The following B3GALT1 variants were observed in gnomAD, a reference collection of about 807,000 sequenced individuals.
The protein encoded by B3GALT1 is beta-1,3-galactosyltransferase 1.
B3GALT1 carries 10 observed loss-of-function variants against 23.2 expected under a neutral mutation model. The observed-to-expected ratio is 0.43, with a 90% CI of 0.27 to 0.73. The LOEUF (loss-of-function observed/expected upper bound fraction) is 0.73, where lower values mean the gene tolerates loss of function less well. Among genes scored for constraint, B3GALT1 ranks in the 30% least tolerant of loss-of-function variants. B3GALT1 has a pLI of 0.21. For missense variants in B3GALT1, 299 were observed against 405.4 expected (o/e 0.74, Z 2.25); for synonymous variants, 156 against 141.5 (o/e 1.10, Z -0.73).
intron 2 of B3GALT1, among the ~76,000 whole-genome samples, chr2:167,543,942 T>G (rs1029067485): frequency 6.6e-5 from 10 of 152,254 alleles, no homozygotes; most frequent in African/African-American, 2.4e-4. Flanking sequence ...GGCCTAAAAA[T>G]GTCATTAGTG....
intron 2 of B3GALT1, among the ~76,000 whole-genome samples, chr2:167,509,148 C>T (rs908219734): frequency 4.6e-5 from 7 of 152,070 alleles, no homozygotes; most frequent in African/African-American, 1.4e-4. Flanking sequence ...CATTCTTATG[C>T]AGAGAGTTCT....
At chr2:167,662,478 T>G (rs934269719) in intron 3 of B3GALT1, among the ~76,000 whole-genome samples, 9 of 152,124 alleles carry the variant, frequency 5.9e-5, no homozygotes, top group African/African-American at 1.9e-4. Flanking sequence ...AAACTAAGTT[T>G]GTCATCCCCT....
chr2:167,346,744 GT>G lies in B3GALT1; in HGVS notation c.-511+53411del, dbSNP rs1407484755. On this transcript the variant is annotated intron_variant, in intron 1 of 4. Transcript: ENST00000392690. ...TAATTTCTGAGTTGTTTGTGTGTGT[GT>G]GGGGGGGGGGTGGTGCGTGTGTGTG... 5.2e-3 allele frequency among the ~76,000 whole-genome samples: 186 copies of G among 35,902 alleles called. 3 individuals are homozygous for G. The highest frequency in any genetic ancestry group is 0.01 in the Non-Finnish European group (102 of 10,034). The allele number at this position is 35,902 out of a possible 152,430, so 23.6% of individuals were successfully genotyped here.
At chr2:167,774,664 A>C (rs1688131795) in intron 3 of B3GALT1, among the ~76,000 whole-genome samples, 1 of 151,250 alleles carries the variant, frequency 6.6e-6, no homozygotes, top group South Asian at 2.1e-4. Flanking sequence ...CTCCTGGCTA[A>C]TTTTTGTATT....
intron 3 of B3GALT1, among the ~76,000 whole-genome samples, chr2:167,667,741 A>G (rs1686230764): frequency 1.3e-5 from 2 of 152,296 alleles, no homozygotes; most frequent in South Asian, 2.1e-4. Context: ...AGTTGATCGC[A>G]TCGGCTGAGG....
chr2:167,738,363 A>G (rs1687524065), intron 3 of B3GALT1, among the ~76,000 whole-genome samples: 1 of 152,216 alleles, frequency 6.6e-6, no homozygotes, highest in African/African-American at 2.4e-5. Context: ...GGAAAATTCA[A>G]ATTAAATGAA....
At chr2:167,454,022 A>G (rs1699129739) in intron 1 of B3GALT1, among the ~76,000 whole-genome samples, 1 of 151,972 alleles carries the variant, frequency 6.6e-6, no homozygotes, top group African/African-American at 2.4e-5. Context: ...TCAGAGACAT[A>G]TTTAAAGCTC....
intron 1 of B3GALT1, among the ~76,000 whole-genome samples, chr2:167,388,869 C>G (rs1486560784): frequency 6.6e-6 from 1 of 152,168 alleles, no homozygotes; most frequent in Non-Finnish European, 1.5e-5. Flanking sequence ...GAAAAGCCAT[C>G]TCTACAATAA....
chr2:167,432,763 G>C (rs1396409883), intron 1 of B3GALT1, among the ~76,000 whole-genome samples: 1 of 152,134 alleles, frequency 6.6e-6, no homozygotes, highest in Non-Finnish European at 1.5e-5. Flanking sequence ...ATTTAAAGTA[G>C]ACTTTATCTT....
intron 3 of B3GALT1, among the ~76,000 whole-genome samples, chr2:167,744,807 C>T (rs1687628593): frequency 6.6e-6 from 1 of 152,130 alleles, no homozygotes; most frequent in Non-Finnish European, 1.5e-5. Context: ...TGAGGCTGGT[C>T]TTGAACTCCT....
At chr2:167,530,981 T>G (rs1683316595) in intron 2 of B3GALT1, among the ~76,000 whole-genome samples, 1 of 152,224 alleles carries the variant, frequency 6.6e-6, no homozygotes, top group South Asian at 2.1e-4. Context: ...GGATTGCATG[T>G]GAACAAGAAA....
intron 2 of B3GALT1, among the ~76,000 whole-genome samples, chr2:167,503,780 T>C (rs1244513000): frequency 6.6e-6 from 1 of 152,220 alleles, no homozygotes; most frequent in East Asian, 1.9e-4. Flanking sequence ...TGCCATTCCA[T>C]ATTCCTTGAT....
chr2:167,796,989 C>A (rs80296027), intron 3 of B3GALT1, among the ~76,000 whole-genome samples: 2,767 of 151,980 alleles, frequency 0.018, 87 homozygotes, highest in African/African-American at 0.062. Flanking sequence ...CTTTTATTTT[C>A]AGTTTTAAGG....
At chr2:167,779,517 T>A (rs1688213748) in intron 3 of B3GALT1, among the ~76,000 whole-genome samples, 1 of 152,240 alleles carries the variant, frequency 6.6e-6, no homozygotes, top group African/African-American at 2.4e-5. Context: ...TCTGATGCGG[T>A]TAGCCCTGAT....
intron 1 of B3GALT1, among the ~76,000 whole-genome samples, chr2:167,299,166 T>C (rs1190701289): frequency 1.3e-5 from 2 of 152,302 alleles, no homozygotes; most frequent in Non-Finnish European, 2.9e-5. Context: ...CCTAGACACA[T>C]ATAGATGACA....
chr2:167,346,344 C>T (rs1697221115), intron 1 of B3GALT1, among the ~76,000 whole-genome samples: 1 of 152,000 alleles, frequency 6.6e-6, no homozygotes, highest in African/African-American at 2.4e-5. Flanking sequence ...TTGCATTTGC[C>T]TATTGTATAT....
intron 2 of B3GALT1, among the ~76,000 whole-genome samples, chr2:167,591,133 G>A (rs1181045691): frequency 6.6e-6 from 1 of 152,166 alleles, no homozygotes. Flanking sequence ...ATCTGATGTT[G>A]CTAAGTACAG....
At chr2:167,629,504 G>A (rs1414957274) in intron 2 of B3GALT1, among the ~76,000 whole-genome samples, 1 of 151,484 alleles carries the variant, frequency 6.6e-6, no homozygotes. Flanking sequence ...GTTAACATGA[G>A]CTCATCCTAA....
At chr2:167,677,814 C>T (rs1395706451) in intron 3 of B3GALT1, among the ~76,000 whole-genome samples, 1 of 152,174 alleles carries the variant, frequency 6.6e-6, no homozygotes, top group African/African-American at 2.4e-5. Context: ...TGGGAGGCCT[C>T]AGGAAACTTA....
Sources: allele counts gnomAD v4.1 joint callset (sites outside exome capture counted in the v4.1 genomes callset), GRCh38; gene constraint gnomAD v4.1.1; transcripts MANE v1.5; gene names NCBI Gene and HGNC (gene_info 2026-07-23, HGNC 2026-07-21).